CCSER1: variants seen among roughly 807,000 people sequenced by gnomAD.
CCSER1 encodes the protein coiled-coil serine rich protein 1.
Under a neutral mutation model 82.0 loss-of-function variants are expected in CCSER1, and 41 were observed. The ratio of observed to expected loss-of-function variants is 0.50; its 90% confidence interval spans 0.39 to 0.65. The LOEUF (loss-of-function observed/expected upper bound fraction) is 0.65. Among genes scored for constraint, CCSER1 ranks in the 30% least tolerant of loss-of-function variants. CCSER1 has a pLI of 0.00. For synonymous variants in CCSER1, 414 were observed against 383.9 expected (o/e 1.08, Z -0.92); for missense variants, 1,119 against 1,064.2 (o/e 1.05, Z -0.72).
chr4:91,068,956 G>A (rs538728239), intron 9 of CCSER1, among the ~76,000 whole-genome samples: 2 of 152,202 alleles, frequency 1.3e-5, no homozygotes, highest in Admixed American at 6.5e-5. Context: ...GCTGAAGCAG[G>A]TGGATCACCT....
chr4:90,926,241 A>T (rs1248752391), intron 9 of CCSER1, among the ~76,000 whole-genome samples: 6 of 152,016 alleles, frequency 3.9e-5, no homozygotes, highest in Non-Finnish European at 7.4e-5. Flanking sequence ...TCTATTTATA[A>T]CTTGCAAATT....
chr4:90,246,326 T>C (rs1721388139), intron 1 of CCSER1, among the ~76,000 whole-genome samples: 1 of 152,146 alleles, frequency 6.6e-6, no homozygotes, highest in Admixed American at 6.5e-5. Context: ...CCTGTTTGGT[T>C]TGATTGGTTT....
chr4:91,191,435 C>G lies in CCSER1; in HGVS notation c.2217+105441C>G, dbSNP rs184903423. On this transcript the variant is annotated intron_variant, in intron 10 of 10. Coordinates refer to ENST00000509176, the MANE Select transcript of CCSER1 (RefSeq NM_001145065.2). Reference sequence around the variant, plus strand: ...TACTTATAACTGCCCAACCTTCGAACCTGCTTATTAACTTTTCAGAATTAC... The same window carrying G: ...TACTTATAACTGCCCAACCTTCGAAGCTGCTTATTAACTTTTCAGAATTAC... Among the ~76,000 whole-genome samples the G allele has an allele frequency of 2.2e-3, 339 of 152,266 alleles. 1 individual carries two copies. The highest frequency in any genetic ancestry group is 7.7e-3 in the African/African-American group (320 of 41,540).
chr4:90,980,931 C>G (rs1196614576), intron 9 of CCSER1, among the ~76,000 whole-genome samples: 4 of 151,790 alleles, frequency 2.6e-5, no homozygotes, highest in Non-Finnish European at 1.5e-5. Context: ...TATTGGTGCC[C>G]TGCCCATAGT....
chr4:91,129,606 T>C (rs570624036), intron 10 of CCSER1, among the ~76,000 whole-genome samples: 2 of 152,022 alleles, frequency 1.3e-5, no homozygotes, highest in East Asian at 1.9e-4. Flanking sequence ...AGAATGTCTA[T>C]AGAGAGAGAC....
At chr4:90,206,181 TTG>T (rs893867301) in intron 1 of CCSER1, among the ~76,000 whole-genome samples, 1 of 152,164 alleles carries the variant, frequency 6.6e-6, no homozygotes, top group African/African-American at 2.4e-5. Flanking sequence ...AAGGGTTTTT[TTG>T]TGTCTCCATC....
At chr4:90,719,062 G>T (rs924455300) in intron 6 of CCSER1, among the ~76,000 whole-genome samples, 1 of 151,998 alleles carries the variant, frequency 6.6e-6, no homozygotes, top group African/African-American at 2.4e-5. Context: ...CGGACCACTG[G>T]TCCGTGGCCT....
intron 4 of CCSER1, among the ~76,000 whole-genome samples, chr4:90,466,646 T>A (rs1249907364): frequency 1.3e-5 from 2 of 152,220 alleles, no homozygotes; most frequent in Non-Finnish European, 2.9e-5. Flanking sequence ...GTGTTAATTT[T>A]TTATGCTACA....
intron 10 of CCSER1, among the ~76,000 whole-genome samples, chr4:91,321,224 CAACTT>C (rs1377071603): frequency 1.3e-5 from 2 of 152,016 alleles, no homozygotes; most frequent in African/African-American, 2.4e-5. Context: ...ATGATAATAA[CAACTT>C]AACACTTTCT....
In CCSER1 at chr4:91,282,510, C is replaced by T. The variant is rs578210985; in HGVS notation, c.2217+196516C>T. 1.2e-4 allele frequency among the ~76,000 whole-genome samples: 19 copies of T among 152,242 alleles called. No homozygotes were observed. The East Asian group carries it at 3.5e-3, about 28-fold the overall frequency. Reference sequence around the variant, plus strand: ...CATTTCATCAAATTTACTCACAAGTCGCTCTTCAGAGCAAAATGTATTTAA... The same window carrying T: ...CATTTCATCAAATTTACTCACAAGTTGCTCTTCAGAGCAAAATGTATTTAA... On this transcript the variant is annotated intron_variant, in intron 10 of 10. Coordinates refer to ENST00000509176, the MANE Select transcript of CCSER1 (RefSeq NM_001145065.2).
intron 4 of CCSER1, among the ~76,000 whole-genome samples, chr4:90,429,879 G>A (rs1758034883): frequency 6.6e-6 from 1 of 151,820 alleles, no homozygotes; most frequent in Admixed American, 6.6e-5. Context: ...GAAGGTAGTA[G>A]AGATTGGGAT....
intron 10 of CCSER1, among the ~76,000 whole-genome samples, chr4:91,532,216 T>C (rs1225434034): frequency 7.9e-5 from 12 of 152,176 alleles, no homozygotes; most frequent in Non-Finnish European, 1.6e-4. Context: ...TTTACCTGTA[T>C]TGGTAGATTA....
intron 3 of CCSER1, among the ~76,000 whole-genome samples, chr4:90,326,153 G>A (rs1383952014): frequency 6.8e-6 from 1 of 148,094 alleles, no homozygotes; most frequent in Admixed American, 7.0e-5. Context: ...CCGCCTCCCA[G>A]GTTCAGGCCA....
intron 7 of CCSER1, among the ~76,000 whole-genome samples, chr4:90,799,295 G>A (rs973631852): frequency 6.6e-6 from 1 of 152,194 alleles, no homozygotes; most frequent in Non-Finnish European, 1.5e-5. Flanking sequence ...GAGGTTGGCT[G>A]GTTCTGTGCC....
At chr4:91,500,501 T>G (rs1202225282) in intron 10 of CCSER1, among the ~76,000 whole-genome samples, 1 of 152,190 alleles carries the variant, frequency 6.6e-6, no homozygotes, top group Admixed American at 6.6e-5. Flanking sequence ...TAGTAAATAA[T>G]ATAGTTCTTT....
intron 4 of CCSER1, among the ~76,000 whole-genome samples, chr4:90,434,635 CAG>C (rs2153568707): frequency 6.6e-6 from 1 of 152,108 alleles, no homozygotes; most frequent in Non-Finnish European, 1.5e-5. Flanking sequence ...CATAAAAGAC[CAG>C]AGGGTATTTG....
rs58259386 is a variant in CCSER1 at position 91,148,307 on chromosome 4, G to T, written c.2217+62313G>T. 1.4e-3 allele frequency among the ~76,000 whole-genome samples: 217 copies of T among 151,940 alleles called. 2 individuals are homozygous for T. In the East Asian group the frequency reaches 0.03, roughly 21 times the overall value. On this transcript the variant is annotated intron_variant, in intron 10 of 10. Transcript: ENST00000509176. ...AGACTCATTTATTCATTGAACAAAA[G>T]TTCATTGAGCTCTTAAGATATACCA...
At chr4:90,407,838 T>G (rs982981673) in intron 4 of CCSER1, among the ~76,000 whole-genome samples, 4 of 152,028 alleles carry the variant, frequency 2.6e-5, no homozygotes, top group Non-Finnish European at 5.9e-5. Flanking sequence ...GGGTGAGGCA[T>G]TACCTCACCT....
intron 10 of CCSER1, among the ~76,000 whole-genome samples, chr4:91,471,963 C>CCAT (rs1409751991): frequency 1.1e-5 from 1 of 89,548 alleles, no homozygotes; most frequent in Non-Finnish European, 2.1e-5. Flanking sequence ...GAGCGACACT[C>CCAT]CATCTCAAAA....
Sources: allele counts gnomAD v4.1 joint callset (sites outside exome capture counted in the v4.1 genomes callset), GRCh38; gene constraint gnomAD v4.1.1; transcripts MANE v1.5; gene names NCBI Gene and HGNC (gene_info 2026-07-23, HGNC 2026-07-21).